The following MAP2K5 variants were observed in gnomAD, a reference collection of about 807,000 sequenced individuals.
The protein encoded by MAP2K5 is mitogen-activated protein kinase kinase 5, also known as dual specificity mitogen-activated protein kinase kinase 5.
MAP2K5 carries 49 observed loss-of-function variants against 83.1 expected under a neutral mutation model. The ratio of observed to expected loss-of-function variants is 0.59; its 90% CI spans 0.47 to 0.75. The LOEUF is 0.75. MAP2K5 is among the 30% of genes least tolerant of loss of function. The pLI is 0.00. For synonymous variants in MAP2K5, 202 were observed against 191.8 expected, an observed-to-expected ratio of 1.05 and a Z score of -0.44; for missense variants, 457 against 557.5, an observed-to-expected ratio of 0.82 and a Z score of 1.82.
At position 67,562,673 on chromosome 15, in the gene MAP2K5, C is replaced by T. The variant is rs2084760096; in HGVS notation, c.185-610C>T. On this transcript the variant is annotated intron_variant, in intron 2 of 21. Transcript: ENST00000178640. The surrounding 1 kb of genome is among the most constrained non-coding windows in gnomAD (Gnocchi z 4.1). ...AGCTGCTAAATAGAATGGGGGAGAC[C>T]TGTATTAGAGCTGCTTTACAAGTTA... Among the ~76,000 whole-genome samples, 1 of 152,162 alleles carries T rather than the reference C, an allele frequency of 6.6e-6. No homozygotes were observed.
chr15:67,563,181 G>A lies in MAP2K5; in HGVS notation c.185-102G>A. 7.7e-7 allele frequency: 1 copy of A among 1,294,664 alleles called. No homozygotes were observed. The highest frequency in any genetic ancestry group is 1.0e-6 in the Non-Finnish European group (1 of 977,090). The allele number at this position is 1,294,664 out of a possible 1,614,324, so 80.2% of individuals were successfully genotyped here. A position where few individuals can be genotyped will look rare whatever the true frequency, so the allele number is the denominator to read the frequency against. On this transcript the variant is annotated intron_variant, in intron 2 of 21. Transcript: ENST00000178640. The surrounding 1 kb of genome is among the most constrained non-coding windows in gnomAD (Gnocchi z 4.5). Reference sequence around the variant, plus strand: ...CAACATACCCCCAAAATGTGGTGTTGAGGGTTAGAATATCACATTGTAATA... The same window carrying A: ...CAACATACCCCCAAAATGTGGTGTTAAGGGTTAGAATATCACATTGTAATA...
At chr15:67,639,404 C>G (rs1306965970) in intron 9 of MAP2K5, among the ~76,000 whole-genome samples, 1 of 152,178 alleles carries the variant, frequency 6.6e-6, no homozygotes, top group East Asian at 1.9e-4. Flanking sequence ...AATTAATGCT[C>G]ACAACATTTT....
rs1490659909 is a variant in MAP2K5, at chr15:67,719,601, A to G, written c.1045-8315A>G. Among the ~76,000 whole-genome samples, 1 of 152,216 alleles carries G rather than the reference A, an allele frequency of 6.6e-6. No homozygotes were observed. Among genetic ancestry groups the G allele is most frequent in the Non-Finnish European group, 1.5e-5 (1 of 68,042 alleles). On this transcript the variant is annotated intron_variant, in intron 16 of 21. Coordinates refer to ENST00000178640, the MANE Select transcript of MAP2K5 (RefSeq NM_145160.3). The surrounding 1 kb of genome is among the most constrained non-coding windows in gnomAD (Gnocchi z 4.6). ...GTGAAGGGTATGGGCAGAGAGTGGTATGAAGTTTGTCTACAAAATTGTGGG... is the reference window on the plus strand; with the variant it reads ...GTGAAGGGTATGGGCAGAGAGTGGTGTGAAGTTTGTCTACAAAATTGTGGG...
rs143613729 is a variant in MAP2K5, at chr15:67,664,308, A to G, written c.799-289A>G. ...CAGGACTTCAAGACCAGCTTAGGCAACATTAGTGAGATCCCTGTTTCTACC... is the reference window on the plus strand; with the variant it reads ...CAGGACTTCAAGACCAGCTTAGGCAGCATTAGTGAGATCCCTGTTTCTACC... On this transcript the variant is annotated intron_variant, in intron 12 of 21. Transcript: ENST00000178640. Among the ~76,000 whole-genome samples the G allele has an allele frequency of 4.7e-3, 670 of 142,280 alleles. 20 individuals are homozygous for G. Among genetic ancestry groups the G allele is most frequent in the East Asian group, 0.035 (164 of 4,752 alleles). 93.3% of individuals were successfully genotyped at this position (142,280 alleles called of 152,430 possible).
intron 13 of MAP2K5, among the ~76,000 whole-genome samples, chr15:67,669,068 T>G (rs1395043138): frequency 6.6e-6 from 1 of 152,154 alleles, no homozygotes; most frequent in Non-Finnish European, 1.5e-5. Flanking sequence ...TCACACAGAC[T>G]TTCCAATTAG....
At chr15:67,658,120 G>T (rs2087134980) in intron 11 of MAP2K5, among the ~76,000 whole-genome samples, 1 of 152,048 alleles carries the variant, frequency 6.6e-6, no homozygotes, top group Non-Finnish European at 1.5e-5. Flanking sequence ...CAACGTAGTG[G>T]TTCTCTGCAT....
intron 8 of MAP2K5, 88 bp from the exon 9 acceptor site, chr15:67,630,800 G>C (rs1481700076): frequency 2.2e-6 from 2 of 892,548 alleles, no homozygotes; most frequent in Admixed American, 4.2e-5. Flanking sequence ...CACTGCTGCA[G>C]AAATGTTTGG....
rs2084818225 is a variant in MAP2K5 at position 67,565,469 on chromosome 15, C to T, written c.252+2119C>T. ...GGTCTCAAACTCCTGACCCCGTGAT[C>T]CACCCGCCTCGGCCTCCCAAAGTGC... On this transcript the variant is annotated intron_variant, in intron 3 of 21. Coordinates refer to ENST00000178640, the MANE Select transcript of MAP2K5 (RefSeq NM_145160.3). The surrounding 1 kb of genome is among the most constrained non-coding windows in gnomAD (Gnocchi z 4.1). Among the ~76,000 whole-genome samples, 1 of 152,136 alleles carries T rather than the reference C, an allele frequency of 6.6e-6. No homozygotes were observed. The highest frequency in any genetic ancestry group is 1.5e-5 in the Non-Finnish European group (1 of 68,016).
chr15:67,634,785 C>T (rs1249490523), intron 9 of MAP2K5, among the ~76,000 whole-genome samples: 1 of 151,446 alleles, frequency 6.6e-6, no homozygotes, highest in South Asian at 2.1e-4. Context: ...TACTTTTAAC[C>T]TATTGTGTCA....
Position 67,758,568 on chromosome 15 carries a change from G to A in MAP2K5, c.1134+9967G>A, listed in dbSNP as rs1366541843. 6.6e-6 allele frequency among the ~76,000 whole-genome samples: 1 copy of A among 151,870 alleles called. No individual in the cohort carries two copies. Among genetic ancestry groups the A allele is most frequent in the Non-Finnish European group, 1.5e-5 (1 of 67,972 alleles). ...TGCACCTAACATCCTATAGGCTCTT[G>A]TAAATATTCATCAAATGACATTTAT... On this transcript the variant is annotated intron_variant, in intron 19 of 21. Coordinates refer to ENST00000178640, the MANE Select transcript of MAP2K5 (RefSeq NM_145160.3). The surrounding 1 kb of genome is among the most constrained non-coding windows in gnomAD (Gnocchi z 4.7).
chr15:67,603,248 A>G (rs1266723809), intron 8 of MAP2K5, among the ~76,000 whole-genome samples: 1 of 152,192 alleles, frequency 6.6e-6, no homozygotes, highest in African/African-American at 2.4e-5. Flanking sequence ...CACTCTGTTA[A>G]TGTTGTTTTT....
In MAP2K5 at chr15:67,555,744, G is replaced by T. The variant is rs2084610171; in HGVS notation, c.184+5662G>T. On this transcript the variant is annotated intron_variant, in intron 2 of 21. Coordinates refer to ENST00000178640, the MANE Select transcript of MAP2K5 (RefSeq NM_145160.3). The surrounding 1 kb of genome is among the most constrained non-coding windows in gnomAD (Gnocchi z 5.2). ...TTTATATTTTTTAAATTGTAAATGA[G>T]CTTGAATATCTTCTCATTTGTATTT... Among the ~76,000 whole-genome samples the T allele has an allele frequency of 6.6e-6, 1 of 151,814 alleles. No homozygotes were observed. The highest frequency in any genetic ancestry group is 2.4e-5 in the African/African-American group (1 of 41,350).
At position 67,568,410 on chromosome 15, in the gene MAP2K5, C is replaced by T. The variant is rs563424014; in HGVS notation, c.252+5060C>T. On this transcript the variant is annotated intron_variant, in intron 3 of 21. Transcript: ENST00000178640. ...CATTGCCTCTAAAATCATGCAGTTA[C>T]TCAAGTAGAGTTGGAAGGTAACCAC... Among the ~76,000 whole-genome samples, 8 of 152,262 alleles carry T rather than the reference C, an allele frequency of 5.3e-5. No individual in the cohort carries two copies. In the South Asian group the frequency reaches 1.5e-3, roughly 28 times the overall value.
chr15:67,711,517 C>T (rs1850608706), intron 16 of MAP2K5, among the ~76,000 whole-genome samples: 1 of 152,226 alleles, frequency 6.6e-6, no homozygotes, highest in African/African-American at 2.4e-5. Context: ...CCATTATCCC[C>T]TCTCTTTAAA....
chr15:67,642,627 T>C (rs1383732135), intron 9 of MAP2K5: 1 of 685,246 alleles, frequency 1.5e-6, no homozygotes, highest in Non-Finnish European at 2.7e-6. Context: ...GCAAAGGCTG[T>C]AAGTAGGGAA....
intron 3 of MAP2K5, among the ~76,000 whole-genome samples, chr15:67,568,226 C>G (rs2084881757): frequency 6.6e-6 from 1 of 152,048 alleles, no homozygotes; most frequent in African/African-American, 2.4e-5. Flanking sequence ...GTACAAGAGT[C>G]CTTATATTTA....
chr15:67,665,912 A>G lies in MAP2K5; in HGVS notation c.847+1267A>G, dbSNP rs1012114070. Among the ~76,000 whole-genome samples, 8 of 152,186 alleles carry G rather than the reference A, an allele frequency of 5.3e-5. No individual in the cohort carries two copies. The highest frequency in any genetic ancestry group is 1.9e-4 in the African/African-American group (8 of 41,450). On this transcript the variant is annotated intron_variant, in intron 13 of 21. Transcript: ENST00000178640. This position sits in a 1 kb window ranked among gnomAD's most constrained non-coding sequence, Gnocchi z 4.2. ...AAGAGATAACAGTATTCAACATGAT[A>G]TAACTTATATTGTTTCTATTCCCTG...
intron 9 of MAP2K5, 85 bp from the exon 10 acceptor site, chr15:67,646,146 C>T: frequency 1.7e-6 from 1 of 597,238 alleles, no homozygotes; most frequent in Non-Finnish European, 2.9e-6. Context: ...AAAGGAACTA[C>T]CATGTTTTTA....
At chr15:67,745,582 G>A (rs907745875) in intron 17 of MAP2K5, among the ~76,000 whole-genome samples, 3 of 152,156 alleles carry the variant, frequency 2.0e-5, no homozygotes, top group African/African-American at 7.2e-5. Flanking sequence ...ATACAGCCGA[G>A]TACATGGCAG....
Sources: allele counts gnomAD v4.1 joint callset (sites outside exome capture counted in the v4.1 genomes callset), GRCh38; gene constraint gnomAD v4.1.1; non-coding constraint Gnocchi (gnomAD v3.1); transcripts MANE v1.5; gene names NCBI Gene and HGNC (gene_info 2026-07-23, HGNC 2026-07-21).